Variants in CNKSR2 observed in about 807,000 individuals in gnomAD.
CNKSR2 encodes CNK homolog protein 2.
Under a neutral mutation model 84.4 loss-of-function variants are expected in CNKSR2, and 14 were observed. That is an observed-to-expected ratio of 0.17 (90% confidence interval 0.11 to 0.26). CNKSR2 has a LOEUF of 0.26. Ranked by LOEUF, CNKSR2 falls within the 10% of genes least tolerant of loss-of-function variation. The pLI, the probability that CNKSR2 is intolerant of heterozygous loss-of-function variation, is 1.00. For missense variants in CNKSR2, 485 were observed against 771.2 expected (o/e 0.63, Z 4.40); for synonymous variants, 275 against 277.9 (o/e 0.99, Z 0.10).
At chrX:21,462,827 C>T (rs2091078453) in intron 4 of CNKSR2, among the ~76,000 whole-genome samples, 1 of 108,092 alleles carries the variant, frequency 9.3e-6, no homozygotes, top group African/African-American at 3.4e-5. Context: ...GATTCTCCTG[C>T]CTCACCCTCC....
chrX:21,401,455 C>T (rs747235804), intron 1 of CNKSR2, among the ~76,000 whole-genome samples: 1 of 111,802 alleles, frequency 8.9e-6, no homozygotes, highest in South Asian at 3.7e-4. Flanking sequence ...TTTTTCAAAA[C>T]CGAACAAATA....
intron 13 of CNKSR2, among the ~76,000 whole-genome samples, chrX:21,578,581 CGTT>C (rs2092334806): frequency 2.0e-5 from 2 of 101,372 alleles, no homozygotes; most frequent in South Asian, 4.6e-4. Flanking sequence ...TTAAATCACA[CGTT>C]GTATATAAAA....
intron 20 of CNKSR2, among the ~76,000 whole-genome samples, chrX:21,613,417 G>A (rs1034643560): frequency 9.0e-6 from 1 of 111,292 alleles, no homozygotes; most frequent in Non-Finnish European, 1.9e-5. Context: ...TCATTTACTC[G>A]GTGAAGTCAT....
At chrX:21,409,648 GT>G (rs1400045026) in intron 1 of CNKSR2, among the ~76,000 whole-genome samples, 4 of 110,690 alleles carry the variant, frequency 3.6e-5, no homozygotes, top group Non-Finnish European at 5.7e-5. Context: ...ACATGAACTT[GT>G]TTGTGGTTTC....
intron 13 of CNKSR2, among the ~76,000 whole-genome samples, chrX:21,579,034 G>A (rs1396102178): frequency 8.9e-6 from 1 of 111,991 alleles, no homozygotes; most frequent in Admixed American, 9.5e-5. Context: ...GATTGGAGCT[G>A]AAGGAGTTGT....
At chrX:21,495,849 A>C (rs2091493375) in intron 6 of CNKSR2, among the ~76,000 whole-genome samples, 1 of 102,816 alleles carries the variant, frequency 9.7e-6, no homozygotes, top group African/African-American at 3.6e-5. Context: ...TCTAGCTCTT[A>C]CAAATGTGCA....
intron 7 of CNKSR2, among the ~76,000 whole-genome samples, chrX:21,500,420 A>G (rs954867640): frequency 1.8e-5 from 2 of 111,461 alleles, no homozygotes; most frequent in African/African-American, 6.5e-5. Context: ...TTTGCAGATT[A>G]CATTACCATA....
intron 2 of CNKSR2, among the ~76,000 whole-genome samples, chrX:21,430,651 A>C (rs778831222): frequency 8.9e-6 from 1 of 112,186 alleles, no homozygotes; most frequent in African/African-American, 3.2e-5. Context: ...CACAGGGAAA[A>C]CTTCTGAAAA....
chrX:21,407,674 G>A (rs778480146), intron 1 of CNKSR2, among the ~76,000 whole-genome samples: 3 of 111,084 alleles, frequency 2.7e-5, no homozygotes, highest in South Asian at 3.7e-4. Flanking sequence ...GAAATGCAAG[G>A]TTCCATTTTG....
chrX:21,519,598 C>A (rs759735379), intron 9 of CNKSR2, among the ~76,000 whole-genome samples: 2 of 111,030 alleles, frequency 1.8e-5, no homozygotes, highest in African/African-American at 6.5e-5. Context: ...TACAAATCTT[C>A]AGCATTCAAA....
intron 8 of CNKSR2, among the ~76,000 whole-genome samples, chrX:21,509,136 CTG>C (rs1468572101): frequency 3.6e-5 from 4 of 112,011 alleles, no homozygotes; most frequent in African/African-American, 6.5e-5. Flanking sequence ...ATATTCATAA[CTG>C]TGAAATTCAC....
At chrX:21,458,698 G>A (rs924482406) in intron 4 of CNKSR2, among the ~76,000 whole-genome samples, 2 of 110,734 alleles carry the variant, frequency 1.8e-5, no homozygotes, top group African/African-American at 3.3e-5. Context: ...AGATTATTTC[G>A]TCACCCGGGT....
intron 4 of CNKSR2, among the ~76,000 whole-genome samples, chrX:21,446,931 T>G (rs1375517203): frequency 9.0e-6 from 1 of 111,697 alleles, no homozygotes; most frequent in Non-Finnish European, 1.9e-5. Flanking sequence ...GCCCTCTAAT[T>G]AAATAACTAC....
intron 20 of CNKSR2, chrX:21,643,445 A>G (rs772704312): frequency 8.9e-6 from 1 of 112,086 alleles, no homozygotes; most frequent in Non-Finnish European, 1.9e-5. Context: ...CTTTAGCTCT[A>G]TCTCTTTTGT....
chrX:21,492,682 AT>A (rs1317964856), intron 6 of CNKSR2: 3 of 111,648 alleles, frequency 2.7e-5, no homozygotes, highest in Non-Finnish European at 5.7e-5. Flanking sequence ...TTCACTGGGA[AT>A]TGAAAGGAAG....
rs909889520 is a variant in CNKSR2, at chrX:21,374,609, A to T, written c.-289A>T. 1 of 496,675 alleles carries T rather than the reference A, an allele frequency of 2.0e-6. No individual in the cohort carries two copies. The highest frequency in any genetic ancestry group is 2.8e-5 in the Admixed American group (1 of 35,735). 40.9% of individuals were successfully genotyped at this position (496,675 alleles called of 1,213,427 possible). On this transcript the variant is annotated 5_prime_UTR_variant, in exon 1 of 22. Transcript: ENST00000379510. Reference sequence around the variant, plus strand: ...GAGCGGCGGAGGCAGCAGCAGCAGCAGCAGCAGCAGCAGCAGCAGCAGCCG... The same window carrying T: ...GAGCGGCGGAGGCAGCAGCAGCAGCTGCAGCAGCAGCAGCAGCAGCAGCCG...
At chrX:21,409,226 AATTATAT>A (rs2090305514) in intron 1 of CNKSR2, among the ~76,000 whole-genome samples, 1 of 78,232 alleles carries the variant, frequency 1.3e-5, no homozygotes, top group Admixed American at 1.6e-4. Flanking sequence ...AAAATGAAAA[AATTATAT>A]ATATATATAT....
intron 13 of CNKSR2, among the ~76,000 whole-genome samples, chrX:21,582,904 A>G (rs371404992): frequency 1.8e-5 from 2 of 111,641 alleles, no homozygotes; most frequent in Middle Eastern, 4.6e-3. Context: ...ATGAGAGTCA[A>G]TCACATCCTT....
chrX:21,427,748 C>T (rs2147057541), intron 2 of CNKSR2: 1 of 112,521 alleles, frequency 8.9e-6, no homozygotes, highest in Non-Finnish European at 1.9e-5. Flanking sequence ...AAAAGACAGT[C>T]TGTACTCCTG....
Sources: allele counts gnomAD v4.1 joint callset (sites outside exome capture counted in the v4.1 genomes callset), GRCh38; gene constraint gnomAD v4.1.1; transcripts MANE v1.5; gene names NCBI Gene and HGNC (gene_info 2026-07-23, HGNC 2026-07-21).